Variants in ZNF804A observed in about 807,000 individuals in gnomAD.
ZNF804A encodes zinc finger protein 804A.
In ZNF804A, 2 loss-of-function variants were observed where a neutral mutation model predicts 16.5. The observed-to-expected ratio is 0.12, with a 90% CI of 0.05 to 0.38. The LOEUF (loss-of-function observed/expected upper bound fraction) is 0.38. ZNF804A is among the 10% of genes least tolerant of loss of function. The probability of loss-of-function intolerance (pLI) is 0.99; values close to 1 mark genes in which losing one functional copy is unlikely to be tolerated. For missense variants in ZNF804A, 1,473 were observed against 1,390.7 expected, an observed-to-expected ratio of 1.06 and a Z score of -0.94; for synonymous variants, 534 against 489.6, an observed-to-expected ratio of 1.09 and a Z score of -1.20.
chr2:184,889,485 G>C (rs971771844), intron 2 of ZNF804A, among the ~76,000 whole-genome samples: 3 of 151,708 alleles, frequency 2.0e-5, no homozygotes, highest in Non-Finnish European at 2.9e-5. Flanking sequence ...TTAATTACTA[G>C]TATAAAAATA....
At chr2:184,877,863 T>C (rs1477193770) in intron 2 of ZNF804A, among the ~76,000 whole-genome samples, 4 of 151,942 alleles carry the variant, frequency 2.6e-5, no homozygotes, top group African/African-American at 9.7e-5. Context: ...TCAGAATACT[T>C]GTTGAAAAAA....
chr2:184,777,278 C>T (rs572273600), intron 1 of ZNF804A, among the ~76,000 whole-genome samples: 1 of 151,768 alleles, frequency 6.6e-6, no homozygotes, highest in African/African-American at 2.4e-5. Flanking sequence ...AATTTTAATG[C>T]CTTTTATCCT....
intron 1 of ZNF804A, among the ~76,000 whole-genome samples, chr2:184,708,499 C>T (rs1030338859): frequency 6.6e-6 from 1 of 152,024 alleles, no homozygotes; most frequent in African/African-American, 2.4e-5. Flanking sequence ...AGCTGCACAC[C>T]TACAGCCTTC....
chr2:184,780,505 C>T (rs1694357036), intron 1 of ZNF804A, among the ~76,000 whole-genome samples: 1 of 151,604 alleles, frequency 6.6e-6, no homozygotes, highest in Non-Finnish European at 1.5e-5. Context: ...GTTTGTTTTT[C>T]CATTTGTGCT....
Position 184,649,933 on chromosome 2 carries a change from G to A in ZNF804A, c.111+50863G>A, listed in dbSNP as rs369451286. On this transcript the variant is annotated intron_variant, in intron 1 of 3. Coordinates refer to ENST00000302277, the MANE Select transcript of ZNF804A (RefSeq NM_194250.2). ...AATTCTATTACAAAAAATTTGAGGAGGAGGGACTCCTTTCTAACTAATTCT... is the reference window on the plus strand; with the variant it reads ...AATTCTATTACAAAAAATTTGAGGAAGAGGGACTCCTTTCTAACTAATTCT... Among the ~76,000 whole-genome samples, 6 of 151,390 alleles carry A rather than the reference G, an allele frequency of 4.0e-5. No homozygotes were observed. In the South Asian group the frequency reaches 1.0e-3, roughly 26 times the overall value.
At chr2:184,614,096 A>G (rs934192574) in intron 1 of ZNF804A, among the ~76,000 whole-genome samples, 8 of 152,152 alleles carry the variant, frequency 5.3e-5, no homozygotes, top group African/African-American at 1.9e-4. Flanking sequence ...TATATAGACT[A>G]ATGGAACAGA....
chr2:184,810,393 C>G (rs1394763781), intron 1 of ZNF804A, among the ~76,000 whole-genome samples: 1 of 149,502 alleles, frequency 6.7e-6, no homozygotes, highest in East Asian at 2.0e-4. Flanking sequence ...GAATCATGTA[C>G]TTATTTTTTT....
chr2:184,678,611 G>A (rs11891366), intron 1 of ZNF804A, among the ~76,000 whole-genome samples: 13,312 of 152,188 alleles, frequency 0.087, 1,925 homozygotes, highest in African/African-American at 0.3. Context: ...ACAGGATGAT[G>A]CCGGAGAAAA....
chr2:184,660,969 T>C (rs2105706181), intron 1 of ZNF804A, among the ~76,000 whole-genome samples: 1 of 152,348 alleles, frequency 6.6e-6, no homozygotes, highest in Middle Eastern at 3.4e-3. Context: ...GTTTGAACAG[T>C]GTCTTGTGCA....
chr2:184,936,032 C>T lies in ZNF804A; in HGVS notation c.636C>T (p.Ile212=), dbSNP rs546038601. Residue 212 remains isoleucine, a synonymous_variant, in exon 4 of 4, where the codon ATC becomes ATT. Coordinates refer to ENST00000302277, the MANE Select transcript of ZNF804A (RefSeq NM_194250.2). Reference sequence around the variant, plus strand: ...CCCAGGGGATTCACAGACACAAAATCGGCTTTTCTTTTGCATTTCCAAAGA... The same window carrying T: ...CCCAGGGGATTCACAGACACAAAATTGGCTTTTCTTTTGCATTTCCAAAGA... ...DQAQGIHRHK[I]GFSFAFPKKA... 8.7e-6 allele frequency: 14 copies of T among 1,614,026 alleles called. No homozygotes were observed. In the South Asian group the frequency reaches 9.9e-5, roughly 11 times the overall value.
chr2:184,698,270 A>G (rs1692866392), intron 1 of ZNF804A, among the ~76,000 whole-genome samples: 1 of 152,114 alleles, frequency 6.6e-6, no homozygotes, highest in Non-Finnish European at 1.5e-5. Context: ...TAAAAGGTTG[A>G]TAGTCTTAAA....
chr2:184,868,989 A>C (rs2105812493), intron 2 of ZNF804A, among the ~76,000 whole-genome samples: 1 of 152,184 alleles, frequency 6.6e-6, no homozygotes, highest in East Asian at 1.9e-4. Flanking sequence ...TGGAAAGCTG[A>C]AATCCAAAAT....
chr2:184,633,511 A>C (rs7557843), intron 1 of ZNF804A, among the ~76,000 whole-genome samples: 40,224 of 152,072 alleles, frequency 0.26, 6,308 homozygotes, highest in East Asian at 0.49. Flanking sequence ...CTGGGTAATA[A>C]AAGTAGTTAA....
At chr2:184,925,415 G>C (rs919477106) in intron 2 of ZNF804A, among the ~76,000 whole-genome samples, 2 of 151,706 alleles carry the variant, frequency 1.3e-5, no homozygotes, top group African/African-American at 4.8e-5. Context: ...TTTTCACTCT[G>C]TGTGTGTTTT....
intron 1 of ZNF804A, among the ~76,000 whole-genome samples, chr2:184,645,690 T>TG (rs1691859206): frequency 1.3e-5 from 2 of 152,200 alleles, no homozygotes; most frequent in African/African-American, 4.8e-5. Context: ...TTCCCAAAGA[T>TG]GGGGGATTAG....
intron 2 of ZNF804A, among the ~76,000 whole-genome samples, chr2:184,922,713 T>C (rs1022760120): frequency 2.0e-5 from 3 of 152,032 alleles, no homozygotes; most frequent in Non-Finnish European, 2.9e-5. Context: ...TGTTTTCTTT[T>C]AGTTTTATTT....
At chr2:184,636,456 A>C (rs74178525) in intron 1 of ZNF804A, among the ~76,000 whole-genome samples, 1 of 102,810 alleles carries the variant, frequency 9.7e-6, no homozygotes, top group Non-Finnish European at 1.9e-5. Flanking sequence ...TGTGTGTGAG[A>C]GAGAGAGAGA....
At position 184,938,174 on chromosome 2, in the gene ZNF804A, A is replaced by G. The variant is rs1177461777; in HGVS notation, c.2778A>G (p.Lys926=). The change falls in exon 4 of 4, where the codon AAA becomes AAG. Residue 926 remains lysine, a synonymous_variant. Transcript: ENST00000302277. ...TSVCVASAPT[K]EAIDNTLLEH... The stretch of plus-strand genomic sequence containing the variant: ...TCTGTGTAGCTAGTGCCCCAACAAA[A>G]GAAGCAATTGACAATACCCTGCTTG... 6.2e-7 allele frequency: 1 copy of G among 1,614,146 alleles called. No homozygotes were observed. The highest frequency in any genetic ancestry group is 2.2e-5 in the East Asian group (1 of 44,860).
intron 1 of ZNF804A, among the ~76,000 whole-genome samples, chr2:184,830,793 CT>C (rs1695252302): frequency 6.6e-6 from 1 of 152,018 alleles, no homozygotes; most frequent in Admixed American, 6.6e-5. Context: ...CTCTGAAGCA[CT>C]GAAAAGAGTT....
Sources: allele counts gnomAD v4.1 joint callset (sites outside exome capture counted in the v4.1 genomes callset), GRCh38; gene constraint gnomAD v4.1.1; transcripts MANE v1.5; gene names NCBI Gene and HGNC (gene_info 2026-07-23, HGNC 2026-07-21).